EPHA5: variants seen among roughly 807,000 people sequenced by gnomAD.
The protein encoded by EPHA5 is ephrin type-A receptor 5.
In EPHA5, 60 loss-of-function variants were observed where a neutral mutation model predicts 105.0. That is an observed-to-expected ratio of 0.57 (90% CI 0.46 to 0.71). EPHA5 has a LOEUF of 0.71. Among genes scored for constraint, EPHA5 ranks in the 30% least tolerant of loss-of-function variants. The pLI, the probability that EPHA5 is intolerant of heterozygous loss-of-function variation, is 0.00. For missense variants in EPHA5, 1,218 were observed against 1,274.7 expected (o/e 0.96, Z 0.68); for synonymous variants, 513 against 449.1 (o/e 1.14, Z -1.80).
chr4:65,444,140 GTTTTAC>G (rs1726288723), intron 5 of EPHA5, among the ~76,000 whole-genome samples: 1 of 152,126 alleles, frequency 6.6e-6, no homozygotes, highest in Non-Finnish European at 1.5e-5. Context: ...CATTAAAACT[GTTTTAC>G]TTTTATAATA....
intron 3 of EPHA5, among the ~76,000 whole-genome samples, chr4:65,554,980 GCAAAA>G (rs1560690252): frequency 6.5e-5 from 1 of 15,292 alleles, no homozygotes; most frequent in Non-Finnish European, 1.1e-4. Context: ...CTATACAACA[GCAAAA>G]AAAAAAAAAA....
intron 3 of EPHA5, among the ~76,000 whole-genome samples, chr4:65,568,075 G>T (rs1486905470): frequency 6.6e-6 from 1 of 151,388 alleles, no homozygotes; most frequent in Non-Finnish European, 1.5e-5. Context: ...TTCATGTAAA[G>T]GCTCTCTCTT....
At chr4:65,636,142 C>G (rs1316694055) in intron 2 of EPHA5, among the ~76,000 whole-genome samples, 1 of 152,022 alleles carries the variant, frequency 6.6e-6, no homozygotes, top group East Asian at 1.9e-4. Flanking sequence ...TTATCTTTTT[C>G]TAATGTTCAG....
chr4:65,482,269 G>A (rs1730444849), intron 5 of EPHA5, among the ~76,000 whole-genome samples: 1 of 148,154 alleles, frequency 6.7e-6, no homozygotes, highest in Non-Finnish European at 1.5e-5. Flanking sequence ...TCGCACTCCA[G>A]CCTGGGTGAC....
intron 3 of EPHA5, among the ~76,000 whole-genome samples, chr4:65,597,051 T>C (rs1467015739): frequency 2.6e-5 from 4 of 152,194 alleles, no homozygotes; most frequent in Non-Finnish European, 4.4e-5. Flanking sequence ...GTATTTTCAC[T>C]ACATTTTCCT....
chr4:65,561,918 C>T (rs1739055114), intron 3 of EPHA5, among the ~76,000 whole-genome samples: 1 of 152,048 alleles, frequency 6.6e-6, no homozygotes, highest in South Asian at 2.1e-4. Flanking sequence ...TCTAGACTCG[C>T]ATTGAGGTCT....
chr4:65,454,056 G>A (rs1275061415), intron 5 of EPHA5, among the ~76,000 whole-genome samples: 2 of 152,146 alleles, frequency 1.3e-5, no homozygotes, highest in Non-Finnish European at 2.9e-5. Flanking sequence ...CAAGGCGGGC[G>A]GATCACCTGA....
At chr4:65,483,555 G>A (rs1730591459) in intron 5 of EPHA5, among the ~76,000 whole-genome samples, 1 of 152,040 alleles carries the variant, frequency 6.6e-6, no homozygotes, top group African/African-American at 2.4e-5. Context: ...AAGGAGGTGG[G>A]TGTAAATGCC....
Position 65,574,406 on chromosome 4 carries a change from C to A in EPHA5, c.910+27235G>T, listed in dbSNP as rs1414300681. ...TAAAAAATAAAAAAATAAAAAAATA[C>A]TCAAATAACTCAAATACATGTATTC... On this transcript the variant is annotated intron_variant, in intron 3 of 16. Coordinates refer to ENST00000613740, the MANE Select transcript of EPHA5 (RefSeq NM_001281766.3). 9 of 543,924 alleles carry A rather than the reference C, an allele frequency of 1.7e-5. No individual in the cohort carries two copies. The Admixed American group carries it at 1.7e-4, about 10-fold the overall frequency. 33.7% of individuals were successfully genotyped at this position (543,924 alleles called of 1,614,324 possible). A position where few individuals can be genotyped will look rare whatever the true frequency, so the allele number is the denominator to read the frequency against.
intron 7 of EPHA5, among the ~76,000 whole-genome samples, chr4:65,407,217 T>C (rs931489163): frequency 6.6e-6 from 1 of 152,184 alleles, no homozygotes; most frequent in Non-Finnish European, 1.5e-5. Context: ...GAAGCCCTTC[T>C]AATCTAAGTC....
intron 5 of EPHA5, among the ~76,000 whole-genome samples, chr4:65,425,411 A>G (rs1724335206): frequency 6.6e-6 from 1 of 152,044 alleles, no homozygotes; most frequent in Non-Finnish European, 1.5e-5. Flanking sequence ...TTATTAATGA[A>G]GCATGTCTAG....
At chr4:65,601,599 C>A (rs763774781) in intron 3 of EPHA5, 42 bp downstream of exon 3, 10 of 1,576,732 alleles carry the variant, frequency 6.3e-6, no homozygotes, top group Non-Finnish European at 6.9e-6. Context: ...CATGATCCAA[C>A]TGAAGCAGAC....
chr4:65,400,725 T>C (rs544202713), intron 8 of EPHA5, among the ~76,000 whole-genome samples: 1 of 152,126 alleles, frequency 6.6e-6, no homozygotes, highest in East Asian at 1.9e-4. Context: ...AGTTTCACAA[T>C]ACCCAGTGTG....
intron 3 of EPHA5, among the ~76,000 whole-genome samples, chr4:65,541,145 A>C (rs1736789152): frequency 6.6e-6 from 1 of 151,672 alleles, no homozygotes; most frequent in Non-Finnish European, 1.5e-5. Context: ...GCCACTGCAA[A>C]ACACATGAAA....
chr4:65,540,698 G>A (rs575794266), intron 3 of EPHA5, among the ~76,000 whole-genome samples: 2 of 151,034 alleles, frequency 1.3e-5, no homozygotes, highest in African/African-American at 4.8e-5. Context: ...GTTTTACCTA[G>A]GCTCTTAGAT....
chr4:65,659,128 CTATCA>C (rs1453861111), intron 1 of EPHA5, among the ~76,000 whole-genome samples: 1 of 151,660 alleles, frequency 6.6e-6, no homozygotes, highest in African/African-American at 2.4e-5. Context: ...ATAATATAAT[CTATCA>C]TGAGTTAGAA....
At chr4:65,451,847 T>A (rs1437552869) in intron 5 of EPHA5, among the ~76,000 whole-genome samples, 3 of 152,074 alleles carry the variant, frequency 2.0e-5, no homozygotes, top group Middle Eastern at 3.4e-3. Flanking sequence ...ATGAGAAGAG[T>A]CTGTGAAAGC....
chr4:65,590,940 C>G (rs1019536933), intron 3 of EPHA5, among the ~76,000 whole-genome samples: 1 of 151,956 alleles, frequency 6.6e-6, no homozygotes, highest in Non-Finnish European at 1.5e-5. Flanking sequence ...AAAAGTAAAA[C>G]AAAGAGTCTG....
intron 5 of EPHA5, among the ~76,000 whole-genome samples, chr4:65,464,789 G>C (rs560137428): frequency 6.6e-6 from 1 of 151,826 alleles, no homozygotes; most frequent in African/African-American, 2.4e-5. Flanking sequence ...TTAAAAATAC[G>C]AATTTGGCTA....
Sources: allele counts gnomAD v4.1 joint callset (sites outside exome capture counted in the v4.1 genomes callset), GRCh38; gene constraint gnomAD v4.1.1; transcripts MANE v1.5; gene names NCBI Gene and HGNC (gene_info 2026-07-23, HGNC 2026-07-21).